The following FLG2 variants were observed in gnomAD, a reference collection of about 807,000 sequenced individuals.
The protein encoded by FLG2 is filaggrin-2.
FLG2 carries 7 observed loss-of-function variants against 3.9 expected under a neutral mutation model. That is an observed-to-expected ratio of 1.79 (90% CI 1.02 to 3.36). The LOEUF is 3.36. Among genes scored for constraint, FLG2 ranks in the 30% most tolerant of loss-of-function variants. The probability of loss-of-function intolerance (pLI) is 0.00; values close to 1 mark genes in which losing one functional copy is unlikely to be tolerated. For synonymous variants in FLG2, 1,031 were observed against 1,056.1 expected (o/e 0.98, Z 0.46); for missense variants, 2,700 against 2,809.4 (o/e 0.96, Z 0.88).
At position 152,353,281 on chromosome 1, in the gene FLG2, C is replaced by G. The variant is rs1654037847; in HGVS notation, c.4505G>C (p.Ser1502Thr). The change falls in exon 3 of 3, where the codon AGT (serine) becomes ACT (threonine). Residue 1502 changes from serine to threonine, a missense_variant. Transcript: ENST00000388718. Reference sequence around the variant, plus strand: ...GTGCACTTCACTGTCACTGGACTCACTGTGGCCAGATCCCCTTCTTCCAGT... The same window carrying G: ...GTGCACTTCACTGTCACTGGACTCAGTGTGGCCAGATCCCCTTCTTCCAGT... ...STTGRRGSGH[S>T]ESSDSEVHSG... 3 of 1,568,456 alleles carry G rather than the reference C, an allele frequency of 1.9e-6. No homozygotes were observed. The highest frequency in any genetic ancestry group is 2.6e-6 in the Non-Finnish European group (3 of 1,156,376).
rs1037247849 is a variant in FLG2 at position 152,356,809 on chromosome 1, C to T, written c.977G>A (p.Gly326Asp). 3 of 1,614,106 alleles carry T rather than the reference C, an allele frequency of 1.9e-6. No homozygotes were observed. Among genetic ancestry groups the T allele is most frequent in the Non-Finnish European group, 1.7e-6 (2 of 1,180,050 alleles). The change falls in exon 3 of 3, where the codon GGC (glycine) becomes GAC (aspartate). Residue 326 changes from glycine (G) to aspartate (D), a missense_variant. Physicochemically the swap from Gly to Asp is moderately conservative, Grantham distance 94. Coordinates refer to ENST00000388718, the MANE Select transcript of FLG2 (RefSeq NM_001014342.3). ...CTGACCTCCTGAGACACAGCCATGG[C>T]CTTGTCCTCCCTTAATTCCTGACTG... Reference protein sequence around the residue: ...GCQSGIKGGQGHGCVSGGQPS... With the variant: ...GCQSGIKGGQDHGCVSGGQPS...
intron 1 of FLG2, 80 bp from the exon 2 acceptor site, chr1:152,358,986 A>G: frequency 7.5e-7 from 1 of 1,342,116 alleles, no homozygotes; most frequent in Non-Finnish European, 1.0e-6. Flanking sequence ...AATAACCAGC[A>G]TGATTTTTTT....
Position 152,356,479 on chromosome 1 carries a change from A to C in FLG2, c.1307T>G (p.Leu436Trp). 6.2e-7 allele frequency: 1 copy of C among 1,614,248 alleles called. No individual in the cohort carries two copies. Among genetic ancestry groups the C allele is most frequent in the Non-Finnish European group, 8.5e-7 (1 of 1,180,032 alleles). The change falls in exon 3 of 3, where the codon TTG becomes TGG. Residue 436 changes from leucine (L) to tryptophan (W), a missense_variant. Transcript: ENST00000388718. ...TTGTTCGAACCCAGAGGACTGACTC[A>C]AGCCTGTTCCATGTTGTTCAAAGCT... ...STSFEQHGTG[L>W]SQSSGFEQHV...
chr1:152,358,162 C>G (rs1449032093), intron 2 of FLG2, among the ~76,000 whole-genome samples: 1 of 151,956 alleles, frequency 6.6e-6, no homozygotes, highest in Non-Finnish European at 1.5e-5. Flanking sequence ...GCTGGGACTA[C>G]AGGGGCATGC....
chr1:152,351,478 G>C lies in FLG2; in HGVS notation c.6308C>G (p.Ser2103Cys), dbSNP rs749486893. The change falls in exon 3 of 3, where the codon TCT becomes TGT. Residue 2103 changes from serine to cysteine, a missense_variant. Ser to Cys is a moderately radical substitution (Grantham distance 112). Coordinates refer to ENST00000388718, the MANE Select transcript of FLG2 (RefSeq NM_001014342.3). ...ACTGTCACTGGACTCACTGTGGCCAGATCCCCTTCTTCCAGCTGTCCTTGA... is the reference window on the plus strand; with the variant it reads ...ACTGTCACTGGACTCACTGTGGCCACATCCCCTTCTTCCAGCTGTCCTTGA... Reference protein sequence around the residue: ...RGSRTAGRRGSGHSESSDSEV... With the variant: ...RGSRTAGRRGCGHSESSDSEV... 5 of 1,612,964 alleles carry C rather than the reference G, an allele frequency of 3.1e-6. No individual in the cohort carries two copies. The African/African-American group carries it at 6.7e-5, about 22-fold the overall frequency.
chr1:152,357,816 A>G (rs1408759710), intron 2 of FLG2, among the ~76,000 whole-genome samples, 169 bp from the exon 3 acceptor site: 1 of 152,178 alleles, frequency 6.6e-6, no homozygotes, highest in African/African-American at 2.4e-5. Context: ...GGGTTAATAG[A>G]AAATAAAGAC....
rs1460833714 is a variant in FLG2 at position 152,352,270 on chromosome 1, A to G, written c.5516T>C (p.Ile1839Thr). The G allele has an allele frequency of 1.2e-6, 2 of 1,611,886 alleles. No individual in the cohort carries two copies. Among genetic ancestry groups the G allele is most frequent in the Admixed American group, 3.3e-5 (2 of 59,798 alleles). The change falls in exon 3 of 3, where the codon ATA (isoleucine) becomes ACA (threonine). Residue 1839 changes from isoleucine (I) to threonine (T), a missense_variant. Transcript: ENST00000388718. ...AGTAGTTCCATGTCTCTCGTCAACT[A>G]TGGATTCTGACTCTCCATGTTGAGA... ...AGSQHGESES[I>T]VDERHGTTHG...
In FLG2 at chr1:152,358,854, C is replaced by T. The variant is rs143475662; in HGVS notation, c.31G>A (p.Val11Ile). 236 of 1,613,808 alleles carry T rather than the reference C, an allele frequency of 1.5e-4. 2 individuals are homozygous for T. The African/African-American group carries it at 2.2e-3, about 15-fold the overall frequency. The change falls in exon 2 of 3, where the codon GTA (valine) becomes ATA (isoleucine). Residue 11 changes from valine to isoleucine, a missense_variant. By Grantham distance (29) the Val-to-Ile change is conservative. Transcript: ENST00000388718. MTDLLRSVVT[V>I]IDVFYKYTKQ... ...GTGTATTTGTAGAAAACATCAATTA[C>T]GGTGACAACACTTCTCAAGAGGTCG...
rs2101674743 is a variant in FLG2, at chr1:152,351,258, T to C, written c.6528A>G (p.Gln2176=). ...CACTGGACTCACTGTGACTAGATCT[T>C]TGTCTTCCAGTTGTCCTGGAACCTG... ...TQTGSRTTGR[Q]RSSHSESSDS... is the part of the protein sequence containing the mutation. Residue 2176 remains glutamine (Q), a synonymous_variant, in exon 3 of 3, where the codon CAA becomes CAG. Transcript: ENST00000388718. 6.2e-7 allele frequency: 1 copy of C among 1,608,866 alleles called. No homozygotes were observed.
At position 152,354,121 on chromosome 1, in the gene FLG2, T is replaced by G; in HGVS notation, c.3665A>C (p.Glu1222Ala). ...SGQSTGLGQGESQQVESGSTV... is the reference protein window; with the variant it reads ...SGQSTGLGQGASQQVESGSTV... The stretch of plus-strand genomic sequence containing the variant: ...GGATCCTGACTCTACTTGTTGAGAT[T>G]CACCCTGGCCCAAGCCAGTTGATTG... The change falls in exon 3 of 3, where the codon GAA (glutamate) becomes GCA (alanine). Residue 1222 changes from glutamate to alanine, a missense_variant. Transcript: ENST00000388718. 1 of 1,614,266 alleles carries G rather than the reference T, an allele frequency of 6.2e-7. No homozygotes were observed. The highest frequency in any genetic ancestry group is 1.1e-5 in the South Asian group (1 of 91,092).
At chr1:152,359,511 T>C (rs11204984) in intron 1 of FLG2, among the ~76,000 whole-genome samples, 54,474 of 151,992 alleles carry the variant, frequency 0.36, 13,922 homozygotes, top group African/African-American at 0.7. Context: ...AAACACTGTT[T>C]TCTTTAATTA....
rs751184792 is a variant in FLG2, at chr1:152,356,532, T to C, written c.1254A>G (p.Gln418=). The C allele has an allele frequency of 6.6e-5, 107 of 1,614,136 alleles. No individual in the cohort carries two copies. Among genetic ancestry groups the C allele is most frequent in the East Asian group, 2.0e-4 (9 of 44,906 alleles). Residue 418 remains glutamine (Q), a synonymous_variant, in exon 3 of 3, where the codon CAA becomes CAG. Coordinates refer to ENST00000388718, the MANE Select transcript of FLG2 (RefSeq NM_001014342.3). The part of the protein sequence containing the change: ...SSSNEFSKCD[Q]YGSGSSQSTS... ...TAGACTGACTTGAACCAGACCCATA[T>C]TGATCACATTTGGAAAATTCATTTG... is the stretch of plus-strand genomic sequence containing the variant.
Position 152,350,711 on chromosome 1 carries a change from T to C in FLG2, c.7075A>G (p.Thr2359Ala). 1 of 1,614,238 alleles carries C rather than the reference T, an allele frequency of 6.2e-7. No individual in the cohort carries two copies. Among genetic ancestry groups the C allele is most frequent in the Non-Finnish European group, 8.5e-7 (1 of 1,180,044 alleles). ...CTGCCACCAGAAGGCCCATACCCAGTGTGCCCATAGTCATATTCTGCAGGT... is the reference window on the plus strand; with the variant it reads ...CTGCCACCAGAAGGCCCATACCCAGCGTGCCCATAGTCATATTCTGCAGGT... ...YGPAEYDYGH[T>A]GYGPSGGSRK... The change falls in exon 3 of 3, where the codon ACT becomes GCT. Residue 2359 changes from threonine to alanine, a missense_variant. Thr to Ala is a moderately conservative substitution (Grantham distance 58). Coordinates refer to ENST00000388718, the MANE Select transcript of FLG2 (RefSeq NM_001014342.3).
At position 152,356,186 on chromosome 1, in the gene FLG2, G is replaced by T; in HGVS notation, c.1600C>A (p.His534Asn). Residue 534 changes from histidine (H) to asparagine (N), a missense_variant, in exon 3 of 3, where the codon CAT (histidine) becomes AAT (asparagine). His to Asn is a moderately conservative substitution (Grantham distance 68). Transcript: ENST00000388718. The part of the protein sequence containing the change: ...VSGQSSGFGQ[H>N]ESRSRQSSYG... ...CTAGACTGACGTGATCTAGACTCAT[G>T]TTGTCCAAAACCAGAGGATTGTCCT... is the stretch of plus-strand genomic sequence containing the variant. 6.2e-7 allele frequency: 1 copy of T among 1,613,926 alleles called. No homozygotes were observed. The highest frequency in any genetic ancestry group is 8.5e-7 in the Non-Finnish European group (1 of 1,180,000).
Position 152,350,360 on chromosome 1 carries a change from G to A in FLG2, c.*250C>T, listed in dbSNP as rs547584649. On this transcript the variant is annotated 3_prime_UTR_variant, in exon 3 of 3. Coordinates refer to ENST00000388718, the MANE Select transcript of FLG2 (RefSeq NM_001014342.3). ...CCAAATCCAAGGTGGTCATTTGACT[G>A]GCTATGTGTACATCCCTCCCTTCTG... The A allele has an allele frequency of 3.4e-5, 18 of 529,066 alleles. No homozygotes were observed. The South Asian group carries it at 4.4e-4, about 13-fold the overall frequency. 32.8% of individuals were successfully genotyped at this position (529,066 alleles called of 1,614,324 possible).
At position 152,354,164 on chromosome 1, in the gene FLG2, A is replaced by G. The variant is rs866285389; in HGVS notation, c.3622T>C (p.Tyr1208His). ...GTTGATTGACCTGAGCCTGAACCAT[A>G]TTGGCCAAATCCAGTGGACTGACCT... The part of the protein sequence containing the change: ...DSGQSTGFGQ[Y>H]GSGSGQSTGL... Residue 1208 changes from tyrosine (Y) to histidine (H), a missense_variant, in exon 3 of 3, where the codon TAT becomes CAT. Coordinates refer to ENST00000388718, the MANE Select transcript of FLG2 (RefSeq NM_001014342.3). 6.2e-7 allele frequency: 1 copy of G among 1,614,122 alleles called. No individual in the cohort carries two copies. The highest frequency in any genetic ancestry group is 1.3e-5 in the African/African-American group (1 of 75,010).
rs1226976637 is a variant in FLG2 at position 152,354,446 on chromosome 1, C to A, written c.3340G>T (p.Gly1114Cys). 3 of 1,614,114 alleles carry A rather than the reference C, an allele frequency of 1.9e-6. No homozygotes were observed. The African/African-American group carries it at 4.0e-5, about 22-fold the overall frequency. ...QHRPGSGQSS[G>C]FGQYGSGSGQ... is the part of the protein sequence containing the mutation. Reference sequence around the variant, plus strand: ...GAGCCCGATCCATATTGGCCAAAGCCAGAGGACTGACCTGAGCCTGGCCTG... The same window carrying A: ...GAGCCCGATCCATATTGGCCAAAGCAAGAGGACTGACCTGAGCCTGGCCTG... The change falls in exon 3 of 3, where the codon GGC (glycine) becomes TGC (cysteine). Residue 1114 changes from glycine to cysteine, a missense_variant. By Grantham distance (159) the Gly-to-Cys change is radical (BLOSUM62 -3). Coordinates refer to ENST00000388718, the MANE Select transcript of FLG2 (RefSeq NM_001014342.3).
rs1653808224 is a variant in FLG2 at position 152,348,993 on chromosome 1, A to G, written c.*1617T>C. The G allele has an allele frequency of 6.6e-6, 1 of 152,174 alleles. No homozygotes were observed. Among genetic ancestry groups the G allele is most frequent in the African/African-American group, 2.4e-5 (1 of 41,444 alleles). The allele number at this position is 152,174 out of a possible 1,614,324, so 9.4% of individuals were successfully genotyped here. A position where few individuals can be genotyped will look rare whatever the true frequency, so the allele number is the denominator to read the frequency against. On this transcript the variant is annotated 3_prime_UTR_variant, in exon 3 of 3. Coordinates refer to ENST00000388718, the MANE Select transcript of FLG2 (RefSeq NM_001014342.3). Reference sequence around the variant, plus strand: ...TAGCTCCTTGGATAGGTTTGTCAATAATTAATTAAAACAAAATCTGGAAAA... The same window carrying G: ...TAGCTCCTTGGATAGGTTTGTCAATGATTAATTAAAACAAAATCTGGAAAA...
Position 152,351,450 on chromosome 1 carries a change from T to C in FLG2, c.6336A>G (p.Glu2112=). ...GTGTGTGTGAGACCCCTGAGTGCAC[T>C]TCACTGTCACTGGACTCACTGTGGC... ...GSGHSESSDS[E]VHSGVSHTHS... The change falls in exon 3 of 3, where the codon GAA becomes GAG. Residue 2112 remains glutamate (E), a synonymous_variant. Transcript: ENST00000388718. 2.5e-6 allele frequency: 4 copies of C among 1,613,058 alleles called. No individual in the cohort carries two copies. The highest frequency in any genetic ancestry group is 2.2e-5 in the East Asian group (1 of 44,768).
Sources: allele counts gnomAD v4.1 joint callset (sites outside exome capture counted in the v4.1 genomes callset), GRCh38; gene constraint gnomAD v4.1.1; transcripts MANE v1.5; gene names NCBI Gene and HGNC (gene_info 2026-07-23, HGNC 2026-07-21).